HNRNPM: variants seen among roughly 807,000 people sequenced by gnomAD.
HNRNPM encodes heterogeneous nuclear ribonucleoprotein M, also known as CEA receptor.
In HNRNPM, 11 loss-of-function variants were observed where a neutral mutation model predicts 73.1. That is an observed-to-expected ratio of 0.15 (90% CI 0.09 to 0.25). The LOEUF (loss-of-function observed/expected upper bound fraction) is 0.25, where lower values mean the gene tolerates loss of function less well. HNRNPM is among the 10% of genes least tolerant of loss of function. HNRNPM has a pLI of 1.00. For synonymous variants in HNRNPM, 407 were observed against 355.2 expected (o/e 1.15, Z -1.64); for missense variants, 789 against 1,067.9 (o/e 0.74, Z 3.64).
At chr19:8,445,276 G>T (rs1968057585) in intron 1 of HNRNPM, 165 bp downstream of exon 1, 2 of 526,812 alleles carry the variant, frequency 3.8e-6, no homozygotes, top group East Asian at 7.1e-5. Context: ...CGTGAGCGGG[G>T]AGCCGGGGGA....
intron 10 of HNRNPM, among the ~76,000 whole-genome samples, 164 bp downstream of exon 10, chr19:8,471,591 A>G (rs1970142754): frequency 6.6e-6 from 1 of 152,154 alleles, no homozygotes; most frequent in Non-Finnish European, 1.5e-5. Context: ...AGTATTTTGT[A>G]TTTTTATCAA....
rs2145630048 is a variant in HNRNPM at position 8,455,559 on chromosome 19, C to T, written c.268C>T (p.Leu90=). ...TGTGAAATGGCAGTCACTTAAAGAC[C>T]TGGTTAAAGAAAAAGGTAATGGTAC... ...FDVKWQSLKD[L]VKEKVGEVTY... The change falls in exon 2 of 16, where the codon CTG becomes TTG. Residue 90 remains leucine, a synonymous_variant. Coordinates refer to ENST00000325495, the MANE Select transcript of HNRNPM (RefSeq NM_005968.5). 1 of 1,613,006 alleles carries T rather than the reference C, an allele frequency of 6.2e-7. No homozygotes were observed. The highest frequency in any genetic ancestry group is 8.5e-7 in the Non-Finnish European group (1 of 1,179,570).
intron 1 of HNRNPM, among the ~76,000 whole-genome samples, chr19:8,453,935 G>A (rs184318592): frequency 1.3e-5 from 2 of 152,298 alleles, no homozygotes; most frequent in East Asian, 1.9e-4. Context: ...TGGGAAGGCC[G>A]TGCCAGAAAA....
At chr19:8,469,615 A>G (rs1203550543) in intron 9 of HNRNPM, among the ~76,000 whole-genome samples, 1 of 152,238 alleles carries the variant, frequency 6.6e-6, no homozygotes, top group Non-Finnish European at 1.5e-5. Context: ...AGAAGTGGCA[A>G]ATATTAGTGC....
In HNRNPM at chr19:8,474,935, G is replaced by A. The variant is rs182933579; in HGVS notation, c.1120+691G>A. ...TCACCATGTTGGCCAGGCTGGCCTCGAACTCCTGACTTCATGTGATCCGCC... is the reference window on the plus strand; with the variant it reads ...TCACCATGTTGGCCAGGCTGGCCTCAAACTCCTGACTTCATGTGATCCGCC... On this transcript the variant is annotated intron_variant, in intron 12 of 15. Coordinates refer to ENST00000325495, the MANE Select transcript of HNRNPM (RefSeq NM_005968.5). 5.7e-3 allele frequency among the ~76,000 whole-genome samples: 867 copies of A among 152,184 alleles called. 12 individuals are homozygous for A. Among genetic ancestry groups the A allele is most frequent in the African/African-American group, 0.02 (826 of 41,514 alleles).
At position 8,485,748 on chromosome 19, in the gene HNRNPM, C is replaced by G; in HGVS notation, c.1320C>G (p.Val440=). The G allele has an allele frequency of 1.2e-6, 2 of 1,605,470 alleles. No individual in the cohort carries two copies. The highest frequency in any genetic ancestry group is 1.7e-6 in the Non-Finnish European group (2 of 1,179,528). The change falls in exon 14 of 16, where the codon GTC becomes GTG. Residue 440 remains valine, a synonymous_variant. Transcript: ENST00000325495. ...VGSEIERMGL[V]MDRMGSVERM... is the part of the protein sequence containing the mutation. ...CCGAGATCGAGCGCATGGGCCTGGTCATGGACCGCATGGGCTCCGTGGAGC... is the reference window on the plus strand; with the variant it reads ...CCGAGATCGAGCGCATGGGCCTGGTGATGGACCGCATGGGCTCCGTGGAGC...
chr19:8,450,474 G>A (rs1196962777), intron 1 of HNRNPM, among the ~76,000 whole-genome samples: 6 of 151,286 alleles, frequency 4.0e-5, no homozygotes, highest in Admixed American at 2.0e-4. Context: ...TGCAGTGTAC[G>A]ATCTCTACTC....
At chr19:8,468,710 C>G (rs1969929764) in intron 8 of HNRNPM, 64 bp from the exon 9 acceptor site, 2 of 1,268,526 alleles carry the variant, frequency 1.6e-6, no homozygotes, top group Admixed American at 3.4e-5. Context: ...CCATTTCAGT[C>G]TTTTGCTGTT....
chr19:8,481,774 C>G (rs1970933119), intron 12 of HNRNPM, among the ~76,000 whole-genome samples: 1 of 152,142 alleles, frequency 6.6e-6, no homozygotes, highest in Non-Finnish European at 1.5e-5. Flanking sequence ...GGTCTAGGTG[C>G]TGGAAAGCCA....
At chr19:8,453,531 G>A (rs2894538) in intron 1 of HNRNPM, among the ~76,000 whole-genome samples, 84,511 of 152,088 alleles carry the variant, frequency 0.56, 25,466 homozygotes, top group Admixed American at 0.69. Context: ...AATAAAGATC[G>A]GCTCTTCAGT....
chr19:8,463,558 G>T (rs1969534999), intron 4 of HNRNPM, 35 bp from the exon 5 acceptor site: 1 of 1,612,138 alleles, frequency 6.2e-7, no homozygotes, highest in Non-Finnish European at 8.5e-7. Flanking sequence ...TTGTAGGACT[G>T]GTTTCACTCG....
At chr19:8,480,885 C>T (rs1293975211) in intron 12 of HNRNPM, among the ~76,000 whole-genome samples, 9 of 152,130 alleles carry the variant, frequency 5.9e-5, no homozygotes, top group Non-Finnish European at 1.0e-4. Context: ...CCACCTCTCC[C>T]GCTGCGGTTA....
chr19:8,448,050 C>T (rs1038214964), intron 1 of HNRNPM, among the ~76,000 whole-genome samples: 1 of 152,114 alleles, frequency 6.6e-6, no homozygotes, highest in South Asian at 2.1e-4. Flanking sequence ...AACAAGAACA[C>T]TGAAGTTGCT....
At chr19:8,486,469 C>G (rs1292378659) in intron 14 of HNRNPM, 64 bp downstream of exon 14, 1 of 1,414,532 alleles carries the variant, frequency 7.1e-7, no homozygotes, top group Admixed American at 2.3e-5. Context: ...AGGCAAAGAT[C>G]AGCAGGATGA....
intron 5 of HNRNPM, 98 bp from the exon 6 acceptor site, chr19:8,465,226 C>T (rs1969663411): frequency 4.1e-6 from 4 of 970,956 alleles, no homozygotes; most frequent in Non-Finnish European, 6.0e-6. Context: ...TCCAAACAAC[C>T]TTTCAGTTTC....
intron 2 of HNRNPM, among the ~76,000 whole-genome samples, chr19:8,459,188 AAGTGCT>A: frequency 6.6e-6 from 1 of 152,172 alleles, no homozygotes; most frequent in East Asian, 1.9e-4. Flanking sequence ...TGGCCTTCCA[AAGTGCT>A]AGGATTACAG....
intron 1 of HNRNPM, among the ~76,000 whole-genome samples, chr19:8,446,044 C>T (rs1968157434): frequency 1.4e-5 from 2 of 147,180 alleles, no homozygotes; most frequent in Admixed American, 6.7e-5. Context: ...ATTACAGACA[C>T]TTAAGAGAGA....
intron 1 of HNRNPM, among the ~76,000 whole-genome samples, chr19:8,447,486 C>T (rs1237079286): frequency 1.3e-5 from 2 of 152,062 alleles, no homozygotes; most frequent in Non-Finnish European, 2.9e-5. Context: ...GGACCTGTTC[C>T]TCCATGACAG....
At chr19:8,468,879 C>G in intron 9 of HNRNPM, 45 bp downstream of exon 9, 3 of 1,433,732 alleles carry the variant, frequency 2.1e-6, no homozygotes, top group South Asian at 2.3e-5. Context: ...ATTGGAGTTA[C>G]ACTAATAAAC....
Sources: allele counts gnomAD v4.1 joint callset (sites outside exome capture counted in the v4.1 genomes callset), GRCh38; gene constraint gnomAD v4.1.1; transcripts MANE v1.5; gene names NCBI Gene and HGNC (gene_info 2026-07-23, HGNC 2026-07-21).